ATF6: variants seen among roughly 807,000 people sequenced by gnomAD.
ATF6 encodes activating transcription factor 6.
ATF6 carries 53 observed loss-of-function variants against 83.6 expected under a neutral mutation model. The ratio of observed to expected loss-of-function variants is 0.63; its 90% CI spans 0.51 to 0.80. ATF6 has a LOEUF of 0.80. Among genes scored for constraint, ATF6 ranks in the 30% least tolerant of loss-of-function variants. The pLI, the probability that ATF6 is intolerant of heterozygous loss-of-function variation, is 0.00. For synonymous variants in ATF6, 288 were observed against 285.8 expected (o/e 1.01, Z -0.08); for missense variants, 744 against 797.9 (o/e 0.93, Z 0.81).
At chr1:161,926,299 C>A (rs1043765495) in intron 15 of ATF6, among the ~76,000 whole-genome samples, 2 of 152,116 alleles carry the variant, frequency 1.3e-5, no homozygotes, top group African/African-American at 2.4e-5. Context: ...TGAAAGAAAA[C>A]AAACATTATC....
intron 15 of ATF6, among the ~76,000 whole-genome samples, chr1:161,918,335 A>G (rs946688223): frequency 1.3e-5 from 2 of 152,180 alleles, no homozygotes; most frequent in African/African-American, 4.8e-5. Flanking sequence ...TAAAACATAT[A>G]CTAGGCTACC....
At chr1:161,854,861 G>A (rs532663151) in intron 12 of ATF6, among the ~76,000 whole-genome samples, 5 of 151,514 alleles carry the variant, frequency 3.3e-5, no homozygotes, top group South Asian at 4.2e-4. Context: ...GCGAGACTCC[G>A]TCTAAAAAAG....
intron 15 of ATF6, among the ~76,000 whole-genome samples, chr1:161,952,913 G>GA (rs1688893690): frequency 6.6e-6 from 1 of 152,164 alleles, no homozygotes; most frequent in Non-Finnish European, 1.5e-5. Context: ...ATGGTGGTGA[G>GA]AAAGGATTCT....
intron 14 of ATF6, among the ~76,000 whole-genome samples, chr1:161,880,387 C>T (rs1687297139): frequency 1.3e-5 from 2 of 151,402 alleles, no homozygotes; most frequent in African/African-American, 2.4e-5. Flanking sequence ...AAATCATCAC[C>T]ATAGTCAAAA....
At chr1:161,888,702 C>T (rs576838002) in intron 14 of ATF6, among the ~76,000 whole-genome samples, 1 of 152,286 alleles carries the variant, frequency 6.6e-6, no homozygotes, top group African/African-American at 2.4e-5. Flanking sequence ...CATACTTCCT[C>T]ATTTGGATTA....
intron 15 of ATF6, among the ~76,000 whole-genome samples, chr1:161,942,289 A>C (rs1688662882): frequency 1.3e-5 from 2 of 152,208 alleles, no homozygotes; most frequent in African/African-American, 4.8e-5. Context: ...TGAAGAATGC[A>C]GTTTATTTCG....
intron 14 of ATF6, among the ~76,000 whole-genome samples, chr1:161,890,132 C>G (rs1403313892): frequency 4.6e-5 from 7 of 152,210 alleles, no homozygotes; most frequent in African/African-American, 1.4e-4. Flanking sequence ...TATTCACCTC[C>G]ATAACCACAA....
chr1:161,944,858 T>C (rs1688719910), intron 15 of ATF6, among the ~76,000 whole-genome samples: 1 of 152,210 alleles, frequency 6.6e-6, no homozygotes, highest in Non-Finnish European at 1.5e-5. Context: ...CTGAATTAAA[T>C]CTGCACATGG....
At chr1:161,921,451 C>T (rs1221565823) in intron 15 of ATF6, among the ~76,000 whole-genome samples, 1 of 151,998 alleles carries the variant, frequency 6.6e-6, no homozygotes, top group Non-Finnish European at 1.5e-5. Context: ...TTGGAACAAT[C>T]TCAAGATGAG....
At chr1:161,768,516 T>A (rs900743377) in intron 1 of ATF6, among the ~76,000 whole-genome samples, 2 of 152,196 alleles carry the variant, frequency 1.3e-5, no homozygotes, top group Non-Finnish European at 2.9e-5. Flanking sequence ...TGACAGTTGC[T>A]GTTTTGGATG....
intron 15 of ATF6, among the ~76,000 whole-genome samples, chr1:161,948,925 A>C (rs1284033088): frequency 5.3e-5 from 8 of 152,242 alleles, no homozygotes; most frequent in Admixed American, 4.6e-4. Context: ...TTCAGCGTGG[A>C]CTGAGAACTG....
intron 14 of ATF6, among the ~76,000 whole-genome samples, chr1:161,869,110 G>A (rs564702931): frequency 6.6e-6 from 1 of 151,826 alleles, no homozygotes; most frequent in East Asian, 1.9e-4. Flanking sequence ...GGTGTTATTT[G>A]TTCAAAATGT....
intron 6 of ATF6, among the ~76,000 whole-genome samples, chr1:161,801,083 T>A (rs896223686): frequency 1.3e-5 from 2 of 152,168 alleles, no homozygotes; most frequent in African/African-American, 4.8e-5. Context: ...CTTGTGAAGT[T>A]GTGTCAGCAC....
intron 15 of ATF6, among the ~76,000 whole-genome samples, chr1:161,941,710 A>G (rs1412812818): frequency 6.6e-6 from 1 of 152,224 alleles, no homozygotes; most frequent in Admixed American, 6.5e-5. Flanking sequence ...TCCGGTGAGA[A>G]GTACTATGTT....
intron 7 of ATF6, among the ~76,000 whole-genome samples, chr1:161,811,683 C>T (rs77772199): frequency 0.026 from 4,019 of 151,944 alleles, 84 homozygotes; most frequent in South Asian, 0.099. Flanking sequence ...TCCATCCATC[C>T]ATCCACTATC....
At chr1:161,807,594 C>A (rs1685321149) in intron 7 of ATF6, among the ~76,000 whole-genome samples, 1 of 152,164 alleles carries the variant, frequency 6.6e-6, no homozygotes, top group Admixed American at 6.5e-5. Flanking sequence ...TGTGGCTTTG[C>A]TGCTACCAGG....
intron 9 of ATF6, among the ~76,000 whole-genome samples, chr1:161,831,705 A>G (rs1291762139): frequency 6.7e-6 from 1 of 150,304 alleles, no homozygotes. Context: ...ACAAAAAACC[A>G]AACACCACAT....
At chr1:161,825,186 C>T (rs531029515) in intron 9 of ATF6, among the ~76,000 whole-genome samples, 11 of 152,234 alleles carry the variant, frequency 7.2e-5, no homozygotes, top group East Asian at 1.9e-4. Flanking sequence ...AGCAATCCCC[C>T]GATCCTCAGT....
intron 15 of ATF6, 128 bp from the exon 16 acceptor site, chr1:161,958,318 G>C: frequency 2.3e-6 from 2 of 853,524 alleles, no homozygotes; most frequent in Non-Finnish European, 3.5e-6. Context: ...GAGTCCCTCT[G>C]CACCCCTTGA....
Sources: allele counts gnomAD v4.1 joint callset (sites outside exome capture counted in the v4.1 genomes callset), GRCh38; gene constraint gnomAD v4.1.1; transcripts MANE v1.5; gene names NCBI Gene and HGNC (gene_info 2026-07-23, HGNC 2026-07-21).